COL4A6: variants seen among roughly 807,000 people sequenced by gnomAD.
COL4A6 encodes the protein collagen alpha-6(IV) chain.
In COL4A6, 59 loss-of-function variants were observed where a neutral mutation model predicts 126.7. The ratio of observed to expected loss-of-function variants is 0.47; its 90% confidence interval spans 0.38 to 0.58. The LOEUF (loss-of-function observed/expected upper bound fraction) is 0.58. COL4A6 is among the 20% of genes least tolerant of loss of function. The pLI, the probability that COL4A6 is intolerant of heterozygous loss-of-function variation, is 0.00. For synonymous variants in COL4A6, 547 were observed against 496.6 expected, an observed-to-expected ratio of 1.10 and a Z score of -1.35; for missense variants, 1,285 against 1,337.3, an observed-to-expected ratio of 0.96 and a Z score of 0.61.
chrX:108,365,294 A>T (rs2040173161), intron 2 of COL4A6, among the ~76,000 whole-genome samples: 1 of 112,091 alleles, frequency 8.9e-6, no homozygotes, highest in African/African-American at 3.2e-5. Context: ...TCAAATTCCC[A>T]ACAACTAGTG....
chrX:108,267,079 TA>T (rs991098312), intron 3 of COL4A6, among the ~76,000 whole-genome samples: 3 of 112,151 alleles, frequency 2.7e-5, no homozygotes, highest in Admixed American at 9.4e-5. Context: ...TTGGAGGCCC[TA>T]GGGGGAAATC....
chrX:108,237,379 C>T (rs2036455055), intron 3 of COL4A6, among the ~76,000 whole-genome samples: 1 of 111,849 alleles, frequency 8.9e-6, no homozygotes, highest in African/African-American at 3.3e-5. Flanking sequence ...GCAAAACACC[C>T]CTACCTGCCC....
At chrX:108,424,314 C>T (rs2064033976) in intron 2 of COL4A6, among the ~76,000 whole-genome samples, 1 of 111,377 alleles carries the variant, frequency 9.0e-6, no homozygotes, top group Admixed American at 9.6e-5. Context: ...TCAGCCCGTC[C>T]CTCCAATATT....
chrX:108,284,250 G>T (rs1314680215), intron 3 of COL4A6, among the ~76,000 whole-genome samples: 1 of 104,384 alleles, frequency 9.6e-6, no homozygotes, highest in African/African-American at 3.5e-5. Flanking sequence ...TCTTAAGTGG[G>T]AGTTGAACAA....
At chrX:108,339,622 A>G (rs1235329522) in intron 2 of COL4A6, among the ~76,000 whole-genome samples, 1 of 111,406 alleles carries the variant, frequency 9.0e-6, no homozygotes, top group African/African-American at 3.3e-5. Context: ...TGATGGCAAT[A>G]TACTTAGGAA....
intron 2 of COL4A6, among the ~76,000 whole-genome samples, chrX:108,409,362 A>C (rs1272523076): frequency 4.5e-5 from 5 of 112,161 alleles, no homozygotes. Context: ...TATTTCGAAT[A>C]ATAATTATCA....
intron 2 of COL4A6, among the ~76,000 whole-genome samples, chrX:108,385,908 C>T (rs2040678446): frequency 9.2e-6 from 1 of 108,228 alleles, no homozygotes; most frequent in Non-Finnish European, 1.9e-5. Context: ...GTGATGTTCC[C>T]CTCCCTGTGT....
Position 108,343,732 on chromosome X carries a change from C to T in COL4A6, c.64-32904G>A, listed in dbSNP as rs186672313. Reference sequence around the variant, plus strand: ...ATATTGCAATAAAATTTTGGTTTTTCCCTTCCATTCCAAATTAGGTTGAAA... The same window carrying T: ...ATATTGCAATAAAATTTTGGTTTTTTCCTTCCATTCCAAATTAGGTTGAAA... On this transcript the variant is annotated intron_variant, in intron 2 of 44. Coordinates refer to ENST00000334504, the MANE Select transcript of COL4A6 (RefSeq NM_033641.4). 3.8e-4 allele frequency among the ~76,000 whole-genome samples: 41 copies of T among 108,806 alleles called. No individual in the cohort carries two copies. The East Asian group carries it at 0.012, about 32-fold the overall frequency. 94.5% of individuals were successfully genotyped at this position (108,806 alleles called of 115,157 possible).
chrX:108,234,690 G>A (rs1216845745), intron 3 of COL4A6, among the ~76,000 whole-genome samples: 2 of 111,897 alleles, frequency 1.8e-5, no homozygotes, highest in Non-Finnish European at 3.8e-5. Flanking sequence ...GGCATAGAAA[G>A]GCAGGAGGGA....
rs58203884 is a variant in COL4A6 at position 108,300,724 on chromosome X, C to CGTGTGTGTGTGTGTGTGTGTGT, written c.144+10002_144+10023dup. 7.0e-4 allele frequency among the ~76,000 whole-genome samples: 65 copies of CGTGTGTGTGTGTGTGTGTGTGT among 92,392 alleles called. 1 individual carries two copies. The highest frequency in any genetic ancestry group is 2.4e-3 in the African/African-American group (61 of 25,106). The allele number at this position is 92,392 out of a possible 115,157, so 80.2% of individuals were successfully genotyped here. On this transcript the variant is annotated intron_variant, in intron 3 of 44. Transcript: ENST00000334504. ...GCAGTGATGGGTAGTCAAACATTGGCGTGTGTGTGTGTGTGTGTGTGTGTG... is the reference window on the plus strand; with the variant it reads ...GCAGTGATGGGTAGTCAAACATTGGCGTGTGTGTGTGTGTGTGTGTGTGTGTGTGTGTGTGTGTGTGTGTGTG...
intron 3 of COL4A6, among the ~76,000 whole-genome samples, chrX:108,267,465 A>G (rs985616455): frequency 1.8e-5 from 2 of 112,287 alleles, no homozygotes; most frequent in African/African-American, 3.2e-5. Context: ...CGGTAAATAC[A>G]TTCTACTGGA....
intron 37 of COL4A6, among the ~76,000 whole-genome samples, chrX:108,169,076 TG>T (rs2034216388): frequency 9.0e-6 from 1 of 111,069 alleles, no homozygotes; most frequent in African/African-American, 3.3e-5. Flanking sequence ...ATCTTAGTCT[TG>T]GGATCCTTCC....
At chrX:108,343,165 AGTGTG>A (rs2039622506) in intron 2 of COL4A6, among the ~76,000 whole-genome samples, 5 of 31,418 alleles carry the variant, frequency 1.6e-4, no homozygotes, top group African/African-American at 4.5e-4. Flanking sequence ...ATATATATAT[AGTGTG>A]TGTGTGTGTG....
In COL4A6 at chrX:108,209,974, T is replaced by A; in HGVS notation, c.541A>T (p.Ile181Phe). 8.3e-7 allele frequency: 1 copy of A among 1,209,879 alleles called. No individual in the cohort carries two copies. The highest frequency in any genetic ancestry group is 1.1e-6 in the Non-Finnish European group (1 of 894,467). ...ACACATAAATAACAACTTACAGTGATTCCATCCAGTCCAGGCAGCCCAGGA... is the reference window on the plus strand; with the variant it reads ...ACACATAAATAACAACTTACAGTGAATCCATCCAGTCCAGGCAGCCCAGGA... ...GDPGLPGLDG[I>F]TGPQGAPGFP... Residue 181 changes from isoleucine (I) to phenylalanine (F), a missense_variant, in exon 8 of 45, where the codon ATC becomes TTC. Transcript: ENST00000334504.
At chrX:108,288,516 G>GAT (rs2038068254) in intron 3 of COL4A6, among the ~76,000 whole-genome samples, 1 of 111,549 alleles carries the variant, frequency 9.0e-6, no homozygotes, top group Non-Finnish European at 1.9e-5. Flanking sequence ...GGCGTGTATA[G>GAT]ACTGGGGCAT....
intron 2 of COL4A6, among the ~76,000 whole-genome samples, chrX:108,351,442 C>G (rs2346073): frequency 0.31 from 29,174 of 93,848 alleles, 4,712 homozygotes; most frequent in East Asian, 0.63. Context: ...CTCTCTCTCT[C>G]TGTGTGTGTG....
At chrX:108,360,228 C>T (rs939491577) in intron 2 of COL4A6, among the ~76,000 whole-genome samples, 3 of 112,091 alleles carry the variant, frequency 2.7e-5, no homozygotes, top group African/African-American at 9.7e-5. Flanking sequence ...TATGACTCTC[C>T]TCAAACATGA....
intron 3 of COL4A6, among the ~76,000 whole-genome samples, chrX:108,277,065 G>A (rs1414280990): frequency 3.6e-5 from 4 of 112,188 alleles, no homozygotes; most frequent in Admixed American, 1.9e-4. Context: ...AGCTCCCAGC[G>A]TGAGCGATGC....
intron 2 of COL4A6, among the ~76,000 whole-genome samples, chrX:108,401,739 C>A (rs900273613): frequency 9.0e-6 from 1 of 110,792 alleles, no homozygotes; most frequent in South Asian, 3.8e-4. Flanking sequence ...CAGGGAGTAA[C>A]CAAACTGAAA....
Sources: allele counts gnomAD v4.1 joint callset (sites outside exome capture counted in the v4.1 genomes callset), GRCh38; gene constraint gnomAD v4.1.1; transcripts MANE v1.5; gene names NCBI Gene and HGNC (gene_info 2026-07-23, HGNC 2026-07-21).